ADAM10: variants seen among roughly 807,000 people sequenced by gnomAD.
The protein encoded by ADAM10 is ADAM metallopeptidase domain 10.
In ADAM10, 17 loss-of-function variants were observed where a neutral mutation model predicts 90.1. That is an observed-to-expected ratio of 0.19 (90% confidence interval 0.13 to 0.28). The LOEUF is 0.28. Among genes scored for constraint, ADAM10 ranks in the 10% least tolerant of loss-of-function variants. The probability of loss-of-function intolerance (pLI) is 1.00; values close to 1 mark genes in which losing one functional copy is unlikely to be tolerated. For missense variants in ADAM10, 610 were observed against 914.3 expected, an observed-to-expected ratio of 0.67 and a Z score of 4.29; for synonymous variants, 310 against 298.6, an observed-to-expected ratio of 1.04 and a Z score of -0.40.
intron 1 of ADAM10, chr15:58,749,125 G>A (rs1595678240): frequency 5.0e-6 from 2 of 397,960 alleles, no homozygotes; most frequent in East Asian, 3.6e-5. Context: ...GGCGCCCGCC[G>A]AGCAGACTGG....
At chr15:58,637,319 A>G (rs1896284468) in intron 8 of ADAM10, among the ~76,000 whole-genome samples, 1 of 152,198 alleles carries the variant, frequency 6.6e-6, no homozygotes, top group African/African-American at 2.4e-5. Flanking sequence ...GCCTCATTCA[A>G]CGACCAAGCC....
chr15:58,724,287 A>G (rs1010527085), intron 1 of ADAM10, among the ~76,000 whole-genome samples: 3 of 152,334 alleles, frequency 2.0e-5, no homozygotes, highest in East Asian at 3.9e-4. Context: ...ATTTAAGGGT[A>G]AAATGACACG....
At chr15:58,598,928 C>CT (rs1181554193) in intron 15 of ADAM10, among the ~76,000 whole-genome samples, 1 of 152,204 alleles carries the variant, frequency 6.6e-6, no homozygotes, top group Non-Finnish European at 1.5e-5. Context: ...ATCCTCTACT[C>CT]TAAGACTTTC....
intron 2 of ADAM10, among the ~76,000 whole-genome samples, chr15:58,709,021 T>C (rs1181630419): frequency 6.6e-6 from 1 of 152,208 alleles, no homozygotes; most frequent in Non-Finnish European, 1.5e-5. Flanking sequence ...TTAAAGCTAT[T>C]ACACTATAAT....
At chr15:58,610,882 A>G (rs1895419729) in intron 13 of ADAM10, 117 bp downstream of exon 13, 1 of 789,444 alleles carries the variant, frequency 1.3e-6, no homozygotes, top group Admixed American at 1.9e-5. Context: ...CCTCAAGAGG[A>G]CAGATTTAGC....
intron 2 of ADAM10, among the ~76,000 whole-genome samples, chr15:58,704,382 C>T (rs1898221199): frequency 6.6e-6 from 1 of 152,042 alleles, no homozygotes; most frequent in African/African-American, 2.4e-5. Context: ...GTGACGGTTG[C>T]ACAACGTTGT....
intron 1 of ADAM10, among the ~76,000 whole-genome samples, chr15:58,718,405 T>A (rs775476167): frequency 2.6e-5 from 4 of 152,182 alleles, no homozygotes; most frequent in Non-Finnish European, 5.9e-5. Context: ...GTTTTCTGTG[T>A]TCAGGGTATA....
At chr15:58,684,734 C>T (rs1246676173) in intron 2 of ADAM10, among the ~76,000 whole-genome samples, 2 of 152,158 alleles carry the variant, frequency 1.3e-5, no homozygotes, top group Non-Finnish European at 2.9e-5. Flanking sequence ...AATTATCTAA[C>T]CTTAGGAGGA....
At position 58,749,409 on chromosome 15, in the gene ADAM10, T is replaced by C. The variant is rs2140859697; in HGVS notation, c.55+71A>G. On this transcript the variant is annotated intron_variant, in intron 1 of 15. Coordinates refer to ENST00000260408, the MANE Select transcript of ADAM10 (RefSeq NM_001110.4). ...TGACGCGCACGCCGCGAGGCGCGAC[T>C]GGGCTCCGCTCGGCCCGGCCGCCGC... is the stretch of plus-strand genomic sequence containing the variant. 7.1e-6 allele frequency: 10 copies of C among 1,413,504 alleles called. No individual in the cohort carries two copies. The South Asian group carries it at 1.1e-4, about 15-fold the overall frequency. 87.6% of individuals were successfully genotyped at this position (1,413,504 alleles called of 1,614,324 possible).
Position 58,620,858 on chromosome 15 carries a change from C to T in ADAM10, c.1511+613G>A, listed in dbSNP as rs1287472713. Among the ~76,000 whole-genome samples the T allele has an allele frequency of 7.4e-5, 5 of 67,278 alleles. 2 individuals are homozygous for T. The highest frequency in any genetic ancestry group is 1.2e-4 in the Non-Finnish European group (5 of 43,144). The allele number at this position is 67,278 out of a possible 152,430, so 44.1% of individuals were successfully genotyped here. A position where few individuals can be genotyped will look rare whatever the true frequency, so the allele number is the denominator to read the frequency against. The stretch of plus-strand genomic sequence containing the variant: ...TAATTTTTTGTATTTTTAGTAGAGA[C>T]GGGGTTTCACCTTGTTAGCCAGGAT... On this transcript the variant is annotated intron_variant, in intron 11 of 15. Coordinates refer to ENST00000260408, the MANE Select transcript of ADAM10 (RefSeq NM_001110.4).
chr15:58,690,371 T>A (rs559921149), intron 2 of ADAM10, among the ~76,000 whole-genome samples: 5 of 152,300 alleles, frequency 3.3e-5, no homozygotes, highest in East Asian at 3.9e-4. Context: ...CTCTGTAACA[T>A]TAAGTATGAT....
chr15:58,711,549 T>C (rs542867391), intron 2 of ADAM10, among the ~76,000 whole-genome samples: 2 of 152,242 alleles, frequency 1.3e-5, no homozygotes, highest in South Asian at 4.1e-4. Context: ...AATACATATA[T>C]AAAATCACAA....
intron 2 of ADAM10, among the ~76,000 whole-genome samples, chr15:58,683,208 CTT>C (rs1301785672): frequency 3.9e-5 from 6 of 152,076 alleles, no homozygotes; most frequent in African/African-American, 9.7e-5. Flanking sequence ...TATATCAAGT[CTT>C]TTATAATTGT....
chr15:58,655,740 TTC>T (rs1896812435), intron 5 of ADAM10, among the ~76,000 whole-genome samples: 9 of 81,282 alleles, frequency 1.1e-4, no homozygotes, highest in African/African-American at 4.1e-4. Context: ...TATATATATA[TTC>T]TTTTTTTTTT....
At chr15:58,611,673 T>C in intron 12 of ADAM10, 135 bp downstream of exon 12, 1 of 799,618 alleles carries the variant, frequency 1.3e-6, no homozygotes. Flanking sequence ...AATATATTCA[T>C]GGTTTTGTGA....
chr15:58,595,509 A>T lies in ADAM10; in HGVS notation c.*2038T>A, dbSNP rs1894926903. On this transcript the variant is annotated 3_prime_UTR_variant, in exon 16 of 16. Coordinates refer to ENST00000260408, the MANE Select transcript of ADAM10 (RefSeq NM_001110.4). ...AAATTTCCAAAGTGAACAAAAAAAG[A>T]TACTGTATAAAACACAGTGGACATT... The T allele has an allele frequency of 6.6e-6, 1 of 152,182 alleles. No homozygotes were observed. Among genetic ancestry groups the T allele is most frequent in the East Asian group, 1.9e-4 (1 of 5,202 alleles). The allele number at this position is 152,182 out of a possible 1,614,324, so 9.4% of individuals were successfully genotyped here.
At position 58,589,171 on chromosome 15, in the gene ADAM10, T is replaced by A. The variant is rs1047056792; in HGVS notation, c.*8376A>T. The A allele has an allele frequency of 6.6e-6, 1 of 152,156 alleles. No individual in the cohort carries two copies. The highest frequency in any genetic ancestry group is 1.5e-5 in the Non-Finnish European group (1 of 68,024). The allele number at this position is 152,156 out of a possible 1,614,324, so 9.4% of individuals were successfully genotyped here. A position where few individuals can be genotyped will look rare whatever the true frequency, so the allele number is the denominator to read the frequency against. On this transcript the variant is annotated 3_prime_UTR_variant, in exon 16 of 16. Transcript: ENST00000260408. ...ACAAATGTTTATTGAACACCTACTA[T>A]AGCCAAGCTCAAGGAAATGGAGATT...
chr15:58,726,128 A>G (rs1442765324), intron 1 of ADAM10, among the ~76,000 whole-genome samples: 2 of 152,232 alleles, frequency 1.3e-5, no homozygotes, highest in Non-Finnish European at 2.9e-5. Flanking sequence ...ATGTGTAACA[A>G]TAACAGCACA....
intron 2 of ADAM10, 118 bp downstream of exon 2, chr15:58,717,459 T>C (rs1265131013): frequency 1.5e-6 from 2 of 1,299,194 alleles, no homozygotes; most frequent in East Asian, 2.4e-5. Context: ...CCAGTGGAAA[T>C]GGAATTTCCA....
Sources: allele counts gnomAD v4.1 joint callset (sites outside exome capture counted in the v4.1 genomes callset), GRCh38; gene constraint gnomAD v4.1.1; transcripts MANE v1.5; gene names NCBI Gene and HGNC (gene_info 2026-07-23, HGNC 2026-07-21).